The following PHACTR1 variants were observed in gnomAD, a reference collection of about 807,000 sequenced individuals.
The protein encoded by PHACTR1 is phosphatase and actin regulator 1.
Under a neutral mutation model 69.2 loss-of-function variants are expected in PHACTR1, and 16 were observed. The observed-to-expected ratio is 0.23, with a 90% CI of 0.16 to 0.35. PHACTR1 has a LOEUF of 0.35. PHACTR1 is among the 10% of genes least tolerant of loss of function. PHACTR1 has a pLI of 1.00. For missense variants in PHACTR1, 510 were observed against 734.7 expected (o/e 0.69, Z 3.54); for synonymous variants, 312 against 284.5 (o/e 1.10, Z -0.97).
intron 9 of PHACTR1, among the ~76,000 whole-genome samples, chr6:13,228,369 CA>C (rs1190266878): frequency 6.6e-6 from 1 of 151,878 alleles, no homozygotes; most frequent in Non-Finnish European, 1.5e-5. Context: ...CTCCCCCACC[CA>C]AAAAAAACTT....
At chr6:13,002,773 C>A in intron 4 of PHACTR1, among the ~76,000 whole-genome samples, 1 of 152,110 alleles carries the variant, frequency 6.6e-6, no homozygotes, top group Non-Finnish European at 1.5e-5. Flanking sequence ...TCTGAATATG[C>A]AAATATGATA....
chr6:12,959,683 G>A (rs1792434710), intron 4 of PHACTR1, among the ~76,000 whole-genome samples: 1 of 152,154 alleles, frequency 6.6e-6, no homozygotes. Context: ...AATATCATGA[G>A]GACTGAGATT....
chr6:12,748,877 A>G (rs1766158420), intron 3 of PHACTR1, among the ~76,000 whole-genome samples: 1 of 152,224 alleles, frequency 6.6e-6, no homozygotes, highest in South Asian at 2.1e-4. Context: ...CCAACTCTAG[A>G]AACCTTACTA....
intron 10 of PHACTR1, chr6:13,265,161 CCT>C (rs1584301624): frequency 1.3e-5 from 2 of 152,400 alleles, no homozygotes; most frequent in Admixed American, 6.5e-5. Context: ...TTTTTCCACC[CCT>C]GTCCTCAGCC....
chr6:12,808,969 C>T (rs183388399), intron 4 of PHACTR1, among the ~76,000 whole-genome samples: 1 of 152,012 alleles, frequency 6.6e-6, no homozygotes, highest in Non-Finnish European at 1.5e-5. Flanking sequence ...CCTTCACTTC[C>T]CGGGCTCAAG....
At chr6:12,731,610 A>G (rs1763534754) in intron 3 of PHACTR1, among the ~76,000 whole-genome samples, 1 of 152,212 alleles carries the variant, frequency 6.6e-6, no homozygotes, top group African/African-American at 2.4e-5. Flanking sequence ...TGTATTTATT[A>G]TCTCATTTTA....
intron 4 of PHACTR1, among the ~76,000 whole-genome samples, chr6:12,818,633 G>A (rs1332840): frequency 6.6e-6 from 1 of 151,920 alleles, no homozygotes; most frequent in Admixed American, 6.6e-5. Context: ...TGTTCATACA[G>A]AGCTATGAAA....
In PHACTR1 at chr6:13,179,615, C is replaced by G. The variant is rs1176352530; in HGVS notation, c.497-2904C>G. 6.6e-6 allele frequency among the ~76,000 whole-genome samples: 1 copy of G among 151,612 alleles called. No individual in the cohort carries two copies. The highest frequency in any genetic ancestry group is 1.5e-5 in the Non-Finnish European group (1 of 67,980). The stretch of plus-strand genomic sequence containing the variant: ...ATTGAATGGTTTTCATTTCTTTCTA[C>G]TAGATATGTATACACATATATGGAT... On this transcript the variant is annotated intron_variant, in intron 6 of 14. Coordinates refer to ENST00000332995, the MANE Select transcript of PHACTR1 (RefSeq NM_030948.6). This position sits in a 1 kb window ranked among gnomAD's most constrained non-coding sequence, Gnocchi z 4.2.
At chr6:12,736,662 T>G (rs1764290536) in intron 3 of PHACTR1, among the ~76,000 whole-genome samples, 1 of 152,172 alleles carries the variant, frequency 6.6e-6, no homozygotes, top group African/African-American at 2.4e-5. Context: ...GAAACTCTCC[T>G]AAATAGAAAA....
intron 4 of PHACTR1, among the ~76,000 whole-genome samples, chr6:13,034,312 C>T (rs574992779): frequency 6.6e-4 from 100 of 152,220 alleles, no homozygotes; most frequent in Non-Finnish European, 1.1e-3. Context: ...CCACCACGCC[C>T]GGCCAGGACT....
At chr6:13,095,210 C>T (rs1261550042) in intron 5 of PHACTR1, among the ~76,000 whole-genome samples, 1 of 152,210 alleles carries the variant, frequency 6.6e-6, no homozygotes, top group African/African-American at 2.4e-5. Flanking sequence ...TTTCTTACAG[C>T]AGCTTGAGCA....
At chr6:13,190,196 G>GTTTTGTTTTTT (rs1220683843) in intron 7 of PHACTR1, among the ~76,000 whole-genome samples, 1 of 31,848 alleles carries the variant, frequency 3.1e-5, no homozygotes, top group African/African-American at 1.0e-4. Context: ...GCTAATTTTT[G>GTTTTGTTTTTT]TATTTTTTTT....
chr6:13,028,114 A>C (rs945108166), intron 4 of PHACTR1, among the ~76,000 whole-genome samples: 19 of 152,208 alleles, frequency 1.2e-4, no homozygotes, highest in African/African-American at 4.3e-4. Flanking sequence ...ACCCACATGC[A>C]TTTTATCACA....
intron 10 of PHACTR1, chr6:13,267,047 G>A (rs952157768): frequency 2.0e-5 from 3 of 152,210 alleles, no homozygotes; most frequent in Admixed American, 2.0e-4. Context: ...GTCAGATCCA[G>A]AGATCCCTGC....
Position 13,283,626 on chromosome 6 carries a change from C to G in PHACTR1, c.1650+64C>G. On this transcript the variant is annotated intron_variant, in intron 13 of 14. Transcript: ENST00000332995. The surrounding 1 kb of genome is among the most constrained non-coding windows in gnomAD (Gnocchi z 4.7). ...CGTCTGCTGGGTCTCGCTGGGCTCA[C>G]CGCTGGGGAGCGTGTAGGGAGACCT... 1.9e-6 allele frequency: 3 copies of G among 1,611,644 alleles called. No individual in the cohort carries two copies. Among genetic ancestry groups the G allele is most frequent in the Non-Finnish European group, 2.5e-6 (3 of 1,179,226 alleles).
intron 4 of PHACTR1, among the ~76,000 whole-genome samples, chr6:13,016,784 T>G (rs1800239870): frequency 6.6e-6 from 1 of 152,228 alleles, no homozygotes; most frequent in South Asian, 2.1e-4. Flanking sequence ...TTTGCTGTTT[T>G]GGTTCAATAC....
intron 4 of PHACTR1, among the ~76,000 whole-genome samples, chr6:12,967,745 T>C (rs1793666481): frequency 6.6e-6 from 1 of 152,224 alleles, no homozygotes. Flanking sequence ...CTTGCAACCA[T>C]CTTTCAAGTA....
intron 4 of PHACTR1, among the ~76,000 whole-genome samples, chr6:12,769,620 G>A (rs778573946): frequency 9.8e-5 from 15 of 152,294 alleles, no homozygotes; most frequent in Admixed American, 2.0e-4. Flanking sequence ...ATGAGTAAAG[G>A]TCTTAGAACG....
intron 5 of PHACTR1, among the ~76,000 whole-genome samples, chr6:13,090,266 G>A (rs1282523593): frequency 2.0e-5 from 3 of 149,744 alleles, no homozygotes; most frequent in African/African-American, 7.4e-5. Flanking sequence ...ATGTTGTCTC[G>A]AACTCCTGAC....
Sources: allele counts gnomAD v4.1 joint callset (sites outside exome capture counted in the v4.1 genomes callset), GRCh38; gene constraint gnomAD v4.1.1; non-coding constraint Gnocchi (gnomAD v3.1); transcripts MANE v1.5; gene names NCBI Gene and HGNC (gene_info 2026-07-23, HGNC 2026-07-21).